The following PLCE1 variants were observed in gnomAD, a reference collection of about 807,000 sequenced individuals.
The protein encoded by PLCE1 is phospholipase C epsilon 1, also known as 1-phosphatidylinositol 4,5-bisphosphate phosphodiesterase epsilon-1.
In PLCE1, 119 loss-of-function variants were observed where a neutral mutation model predicts 242.8. The observed-to-expected ratio is 0.49, with a 90% confidence interval of 0.42 to 0.57. The LOEUF is 0.57. PLCE1 is among the 20% of genes least tolerant of loss of function. The pLI, the probability that PLCE1 is intolerant of heterozygous loss-of-function variation, is 0.00. For synonymous variants in PLCE1, 945 were observed against 1,017.4 expected (o/e 0.93, Z 1.35); for missense variants, 2,441 against 2,788.8 (o/e 0.88, Z 2.81).
chr10:94,121,650 C>G (rs1308467598), intron 2 of PLCE1, among the ~76,000 whole-genome samples: 1 of 152,130 alleles, frequency 6.6e-6, no homozygotes, highest in Non-Finnish European at 1.5e-5. Flanking sequence ...GTTACTTCCC[C>G]CATGCTACTG....
intron 3 of PLCE1, among the ~76,000 whole-genome samples, chr10:94,148,190 G>T (rs1287433391): frequency 2.0e-5 from 3 of 152,130 alleles, no homozygotes; most frequent in African/African-American, 4.8e-5. Context: ...AATATAAAGT[G>T]ATTAGAACAC....
chr10:94,178,323 G>A (rs76125196), intron 4 of PLCE1, among the ~76,000 whole-genome samples: 1,704 of 152,222 alleles, frequency 0.011, 34 homozygotes, highest in African/African-American at 0.038. Context: ...CTGAGGGTAG[G>A]TCATGAGTCC....
intron 3 of PLCE1, among the ~76,000 whole-genome samples, chr10:94,140,856 G>C (rs2046933517): frequency 6.6e-6 from 1 of 152,078 alleles, no homozygotes; most frequent in African/African-American, 2.4e-5. Flanking sequence ...TTATTTTCTT[G>C]GTATTTAAAA....
At chr10:94,087,231 T>C (rs1395363158) in intron 2 of PLCE1, among the ~76,000 whole-genome samples, 4 of 150,488 alleles carry the variant, frequency 2.7e-5, no homozygotes, top group Non-Finnish European at 5.9e-5. Context: ...GCACCTGTGG[T>C]CCTAGCTACT....
chr10:94,265,064 A>G (rs903130323), intron 14 of PLCE1, among the ~76,000 whole-genome samples: 1 of 152,236 alleles, frequency 6.6e-6, no homozygotes, highest in Non-Finnish European at 1.5e-5. Context: ...GTAACCAGCA[A>G]TAGCTGGTGA....
intron 2 of PLCE1, among the ~76,000 whole-genome samples, chr10:94,070,845 T>G (rs2044331479): frequency 6.6e-6 from 1 of 152,166 alleles, no homozygotes; most frequent in Non-Finnish European, 1.5e-5. Context: ...TCAATTCCCA[T>G]ATCTCTTTTT....
At chr10:94,181,555 G>A (rs939457148) in intron 4 of PLCE1, among the ~76,000 whole-genome samples, 1 of 151,852 alleles carries the variant, frequency 6.6e-6, no homozygotes, top group Admixed American at 6.6e-5. Context: ...CAGCCTGGGT[G>A]ACAGAGCAAG....
chr10:94,029,053 C>T (rs905270712), intron 1 of PLCE1, among the ~76,000 whole-genome samples: 11 of 152,012 alleles, frequency 7.2e-5, no homozygotes, highest in African/African-American at 2.7e-4. Context: ...GTGATTGTGC[C>T]ATTGCACTTC....
At chr10:94,170,283 C>A (rs1318232973) in intron 3 of PLCE1, among the ~76,000 whole-genome samples, 2 of 149,942 alleles carry the variant, frequency 1.3e-5, no homozygotes, top group African/African-American at 5.1e-5. Flanking sequence ...TTCCAGAGAT[C>A]ATTCTTTGGA....
At chr10:94,085,491 G>A (rs1303934437) in intron 2 of PLCE1, among the ~76,000 whole-genome samples, 1 of 152,172 alleles carries the variant, frequency 6.6e-6, no homozygotes, top group African/African-American at 2.4e-5. Flanking sequence ...TGGGGGTAGA[G>A]CTGTGCTTGG....
intron 9 of PLCE1, among the ~76,000 whole-genome samples, chr10:94,253,667 A>G (rs1286582900): frequency 1.3e-5 from 2 of 152,088 alleles, no homozygotes; most frequent in Non-Finnish European, 2.9e-5. Flanking sequence ...CACACTTTTA[A>G]ATAACTAGAT....
At chr10:94,108,203 C>A (rs1284057789) in intron 2 of PLCE1, among the ~76,000 whole-genome samples, 1 of 152,302 alleles carries the variant, frequency 6.6e-6, no homozygotes, top group Admixed American at 6.5e-5. Flanking sequence ...CTCCCAACCC[C>A]ATTCCACCCT....
intron 2 of PLCE1, among the ~76,000 whole-genome samples, chr10:94,090,114 T>C (rs2045004231): frequency 6.6e-6 from 1 of 152,152 alleles, no homozygotes; most frequent in South Asian, 2.1e-4. Context: ...GAAGAGGTCA[T>C]TGAAAGGAGT....
chr10:94,183,176 C>T (rs1460920535), intron 4 of PLCE1, among the ~76,000 whole-genome samples: 1 of 152,152 alleles, frequency 6.6e-6, no homozygotes, highest in Admixed American at 6.5e-5. Context: ...ATTTTTACTG[C>T]ACATGTGAGA....
intron 27 of PLCE1, among the ~76,000 whole-genome samples, chr10:94,310,699 A>G (rs183689028): frequency 9.2e-5 from 14 of 152,298 alleles, no homozygotes; most frequent in African/African-American, 3.1e-4. Flanking sequence ...ACAGCTGAAG[A>G]TTCCACAGAT....
At position 94,032,200 on chromosome 10, in the gene PLCE1, T is replaced by C. The variant is rs1272805667; in HGVS notation, c.1154T>C (p.Val385Ala). ...AGAGTAATGGAACCCCCGTCAACAG[T>C]GGAGATAAGGCAAGATGGGAGCCAA... is the stretch of plus-strand genomic sequence containing the variant. Reference protein sequence around the residue: ...CGRVMEPPSTVEIRQDGSQRL... With the variant: ...CGRVMEPPSTAEIRQDGSQRL... The change falls in exon 2 of 33, where the codon GTG becomes GCG. Residue 385 changes from valine (V) to alanine (A), a missense_variant. Val to Ala is a moderately conservative substitution (Grantham distance 64). This residue lies in a region of PLCE1 where 733 missense variants were observed against 754.2 expected (regional missense o/e 0.97). Transcript: ENST00000371380. 6.2e-7 allele frequency: 1 copy of C among 1,612,792 alleles called. No homozygotes were observed. Among genetic ancestry groups the C allele is most frequent in the Non-Finnish European group, 8.5e-7 (1 of 1,179,382 alleles).
chr10:94,059,187 G>A (rs1365749338), intron 2 of PLCE1, among the ~76,000 whole-genome samples: 1 of 152,204 alleles, frequency 6.6e-6, no homozygotes, highest in Non-Finnish European at 1.5e-5. Flanking sequence ...GGGCTAAAAG[G>A]CAGCCCTTGT....
At chr10:94,217,163 A>C (rs1242665942) in intron 4 of PLCE1, among the ~76,000 whole-genome samples, 1 of 151,766 alleles carries the variant, frequency 6.6e-6, no homozygotes, top group African/African-American at 2.4e-5. Flanking sequence ...ACTCACTCTG[A>C]ATCTCACCTT....
intron 1 of PLCE1, among the ~76,000 whole-genome samples, chr10:94,007,699 C>CTTTT (rs80098906): frequency 5.6e-3 from 354 of 63,560 alleles, no homozygotes; most frequent in African/African-American, 7.5e-3. Flanking sequence ...AGCCTACTTT[C>CTTTT]TTTTTTTTTT....
Sources: allele counts gnomAD v4.1 joint callset (sites outside exome capture counted in the v4.1 genomes callset), GRCh38; gene constraint gnomAD v4.1.1; regional missense constraint gnomAD v4.1.1; transcripts MANE v1.5; gene names NCBI Gene and HGNC (gene_info 2026-07-23, HGNC 2026-07-21).